The following WNK3 variants were observed in gnomAD, a reference collection of about 807,000 sequenced individuals.
WNK3 encodes serine/threonine-protein kinase WNK3.
In WNK3, 18 loss-of-function variants were observed where a neutral mutation model predicts 116.7. That is an observed-to-expected ratio of 0.15 (90% CI 0.11 to 0.23). The LOEUF (loss-of-function observed/expected upper bound fraction) is 0.23. Among genes scored for constraint, WNK3 ranks in the 10% least tolerant of loss-of-function variants. The pLI, the probability that WNK3 is intolerant of heterozygous loss-of-function variation, is 1.00. For missense variants in WNK3, 993 were observed against 1,323.8 expected (o/e 0.75, Z 3.88); for synonymous variants, 404 against 469.4 (o/e 0.86, Z 1.80).
intron 17 of WNK3, among the ~76,000 whole-genome samples, chrX:54,243,684 C>T (rs1467172765): frequency 9.0e-6 from 1 of 111,527 alleles, no homozygotes; most frequent in Non-Finnish European, 1.9e-5. Context: ...GTGGACAAAT[C>T]GGAACCCTCA....
chrX:54,265,842 G>A (rs932204959), intron 10 of WNK3, among the ~76,000 whole-genome samples: 1 of 112,421 alleles, frequency 8.9e-6, no homozygotes, highest in African/African-American at 3.2e-5. Flanking sequence ...TGAGGAGTTC[G>A]AGACCTGCCT....
At chrX:54,257,329 G>A (rs1160987453) in intron 11 of WNK3, among the ~76,000 whole-genome samples, 2 of 110,999 alleles carry the variant, frequency 1.8e-5, no homozygotes, top group Non-Finnish European at 3.8e-5. Flanking sequence ...GCCTAGGGAA[G>A]CACTCTCCAC....
chrX:54,209,424 AAAATAAATAAATAAAT>A (rs10608187), intron 22 of WNK3, among the ~76,000 whole-genome samples: 1 of 92,944 alleles, frequency 1.1e-5, no homozygotes, highest in Admixed American at 1.3e-4. Flanking sequence ...CTCTGTCTAA[AAAATAAATAAATAAAT>A]AAATAAATAA....
intron 13 of WNK3, among the ~76,000 whole-genome samples, chrX:54,251,933 C>T (rs1305809967): frequency 3.7e-5 from 4 of 108,217 alleles, no homozygotes; most frequent in East Asian, 2.9e-4. Flanking sequence ...GGTATGATGG[C>T]GGGTGCCTGT....
intron 1 of WNK3, among the ~76,000 whole-genome samples, chrX:54,355,466 A>T (rs1242565056): frequency 1.8e-5 from 2 of 110,994 alleles, no homozygotes; most frequent in African/African-American, 6.5e-5. Flanking sequence ...AAAGAGGGGG[A>T]CCTAACCTAG....
At chrX:54,337,537 C>T (rs1186073634) in intron 1 of WNK3, among the ~76,000 whole-genome samples, 3 of 78,065 alleles carry the variant, frequency 3.8e-5, no homozygotes, top group Non-Finnish European at 7.7e-5. Context: ...CTAGCCTGGG[C>T]GACAGAGCGA....
intron 1 of WNK3, among the ~76,000 whole-genome samples, chrX:54,350,593 T>C (rs1369713582): frequency 9.0e-6 from 1 of 111,424 alleles, no homozygotes; most frequent in African/African-American, 3.3e-5. Context: ...TGGTATTCCA[T>C]GCATTGTTGG....
At chrX:54,306,737 C>T (rs1039014277) in intron 5 of WNK3, among the ~76,000 whole-genome samples, 3 of 110,195 alleles carry the variant, frequency 2.7e-5, no homozygotes, top group African/African-American at 3.3e-5. Context: ...TAACTACAGT[C>T]GATAATAACA....
intron 1 of WNK3, among the ~76,000 whole-genome samples, chrX:54,338,417 G>A (rs1459371331): frequency 9.5e-6 from 1 of 105,157 alleles, no homozygotes; most frequent in Non-Finnish European, 1.9e-5. Flanking sequence ...GCAAGAACCT[G>A]TTTAAAAAAA....
At chrX:54,225,737 G>A (rs1384462926) in intron 22 of WNK3, among the ~76,000 whole-genome samples, 1 of 109,804 alleles carries the variant, frequency 9.1e-6, no homozygotes, top group Non-Finnish European at 1.9e-5. Context: ...TCCCCAAATT[G>A]ATATATAGAG....
In WNK3 at chrX:54,249,506, C is replaced by T. The variant is rs782496912; in HGVS notation, c.2842G>A (p.Glu948Lys). 4.1e-6 allele frequency: 5 copies of T among 1,209,892 alleles called. No individual in the cohort carries two copies. The African/African-American group carries it at 7.0e-5, about 17-fold the overall frequency. Residue 948 changes from glutamate to lysine, a missense_variant, in exon 17 of 24, where the codon GAA becomes AAA. By Grantham distance (56) the Glu-to-Lys change is moderately conservative. Coordinates refer to ENST00000354646, the Ensembl canonical transcript of WNK3. ...TGCTTGGTTTCTACACTAGCACATT[C>T]AGAAATCTTACCATCAACCACATCC...
In WNK3 at chrX:54,330,100, A is replaced by G. The variant is rs782390165; in HGVS notation, c.537+3037T>C. 6.3e-5 allele frequency among the ~76,000 whole-genome samples: 7 copies of G among 111,538 alleles called. No homozygotes were observed. In the East Asian group the frequency reaches 2.0e-3, roughly 32 times the overall value. On this transcript the variant is annotated intron_variant, in intron 2 of 23. Transcript: ENST00000354646. ...ACAAAAAATAAAAACACGGCCAGGC[A>G]TGGTGGCTCACGCCTGTAATCCCAG...
intron 22 of WNK3, among the ~76,000 whole-genome samples, chrX:54,214,865 T>C (rs2067664337): frequency 9.1e-6 from 1 of 109,849 alleles, no homozygotes; most frequent in Admixed American, 9.7e-5. Context: ...TACAAAAAAT[T>C]AGCCAGGCGT....
chrX:54,338,366 G>T (rs2069271530), intron 1 of WNK3, among the ~76,000 whole-genome samples: 2 of 109,285 alleles, frequency 1.8e-5, no homozygotes, highest in Non-Finnish European at 3.8e-5. Context: ...AGGTTGCAGT[G>T]AGCCAAGATC....
At chrX:54,257,099 G>T (rs971270124) in intron 11 of WNK3, among the ~76,000 whole-genome samples, 9 of 111,643 alleles carry the variant, frequency 8.1e-5, no homozygotes, top group Non-Finnish European at 1.5e-4. Context: ...CATCATAGCA[G>T]CTTGGTATCT....
At chrX:54,293,092 A>G in intron 9 of WNK3, 42 bp downstream of exon 9, 1 of 1,187,528 alleles carries the variant, frequency 8.4e-7, no homozygotes. Context: ...TTTACAGTAA[A>G]TACACTGATT....
intron 2 of WNK3, among the ~76,000 whole-genome samples, chrX:54,331,588 C>A (rs781788819): frequency 9.0e-6 from 1 of 111,254 alleles, no homozygotes; most frequent in Non-Finnish European, 1.9e-5. Flanking sequence ...AAACTCCACA[C>A]ATGCACATAC....
intron 23 of WNK3, among the ~76,000 whole-genome samples, chrX:54,199,211 G>C (rs1168742619): frequency 9.1e-6 from 1 of 110,416 alleles, no homozygotes; most frequent in African/African-American, 3.3e-5. Context: ...TCCGCATCTC[G>C]GTGATTGGTA....
At chrX:54,332,364 A>T (rs1289629393) in intron 2 of WNK3, among the ~76,000 whole-genome samples, 1 of 112,060 alleles carries the variant, frequency 8.9e-6, no homozygotes, top group Non-Finnish European at 1.9e-5. Context: ...CAAAGAATCA[A>T]GTAAAACCTT....
Sources: allele counts gnomAD v4.1 joint callset (sites outside exome capture counted in the v4.1 genomes callset), GRCh38; gene constraint gnomAD v4.1.1; transcripts MANE v1.5; gene names NCBI Gene and HGNC (gene_info 2026-07-23, HGNC 2026-07-21).